The following SIK3 variants were observed in gnomAD, a reference collection of about 807,000 sequenced individuals.
The protein encoded by SIK3 is serine/threonine-protein kinase SIK3.
In SIK3, 28 loss-of-function variants were observed where a neutral mutation model predicts 144.2. The observed-to-expected ratio is 0.19, with a 90% CI of 0.14 to 0.27. The LOEUF is 0.27. Ranked by LOEUF, SIK3 falls within the 10% of genes least tolerant of loss-of-function variation. SIK3 has a pLI of 1.00. For synonymous variants in SIK3, 686 were observed against 676.3 expected (o/e 1.01, Z -0.22); for missense variants, 1,319 against 1,776.0 (o/e 0.74, Z 4.62).
chr11:117,031,189 G>A (rs1731904967), intron 1 of SIK3, among the ~76,000 whole-genome samples: 1 of 151,900 alleles, frequency 6.6e-6, no homozygotes, highest in Non-Finnish European at 1.5e-5. Flanking sequence ...TCCTTTTCTA[G>A]ATCATACTTT....
At chr11:116,983,119 C>T (rs892083797) in intron 1 of SIK3, among the ~76,000 whole-genome samples, 9 of 151,334 alleles carry the variant, frequency 5.9e-5, no homozygotes, top group African/African-American at 1.2e-4. Flanking sequence ...CCCAGCTACT[C>T]GGGAGGCTGA....
chr11:117,046,170 C>G (rs997586328), intron 1 of SIK3, among the ~76,000 whole-genome samples: 3 of 152,200 alleles, frequency 2.0e-5, no homozygotes, highest in Admixed American at 6.5e-5. Context: ...CACATATGAG[C>G]TAAACTACCA....
chr11:116,897,005 C>T (rs550884588), intron 5 of SIK3, among the ~76,000 whole-genome samples, 188 bp downstream of exon 5: 17 of 133,026 alleles, frequency 1.3e-4, no homozygotes, highest in Admixed American at 6.9e-4. Context: ...CCAGCCTGGG[C>T]GACAGAGTGA....
intron 4 of SIK3, among the ~76,000 whole-genome samples, chr11:116,919,430 C>T (rs1591323363): frequency 6.6e-6 from 1 of 152,118 alleles, no homozygotes; most frequent in East Asian, 1.9e-4. Context: ...TCTTTGCTGT[C>T]TACTGATTGC....
chr11:117,035,269 A>G (rs751267395), intron 1 of SIK3, among the ~76,000 whole-genome samples: 8 of 152,340 alleles, frequency 5.3e-5, no homozygotes, highest in Non-Finnish European at 8.8e-5. Flanking sequence ...CAATGAGGAA[A>G]TGAGGAATTT....
At chr11:117,075,312 T>C (rs973360582) in intron 1 of SIK3, among the ~76,000 whole-genome samples, 1 of 152,138 alleles carries the variant, frequency 6.6e-6, no homozygotes, top group African/African-American at 2.4e-5. Context: ...CATACAACTA[T>C]AAACCTGAGA....
intron 4 of SIK3, among the ~76,000 whole-genome samples, chr11:116,905,320 T>C (rs1432743192): frequency 1.3e-5 from 2 of 152,250 alleles, no homozygotes; most frequent in African/African-American, 4.8e-5. Context: ...ACATCCATGG[T>C]ATGGACATTC....
At chr11:116,991,746 T>A (rs752773700) in intron 1 of SIK3, among the ~76,000 whole-genome samples, 1 of 152,106 alleles carries the variant, frequency 6.6e-6, no homozygotes, top group African/African-American at 2.4e-5. Context: ...CACTTTCCCC[T>A]CCTATCCCCA....
chr11:116,992,517 A>G (rs770531766), intron 1 of SIK3, among the ~76,000 whole-genome samples: 14 of 152,224 alleles, frequency 9.2e-5, no homozygotes, highest in Non-Finnish European at 1.3e-4. Flanking sequence ...AAAATAAATG[A>G]TATGGCAATT....
chr11:116,946,865 C>A (rs1948617093), intron 3 of SIK3, among the ~76,000 whole-genome samples: 1 of 152,006 alleles, frequency 6.6e-6, no homozygotes, highest in African/African-American at 2.4e-5. Flanking sequence ...CCTGTAATCC[C>A]AGCACTTTGG....
chr11:116,908,721 A>G (rs1469409397), intron 4 of SIK3, among the ~76,000 whole-genome samples: 1 of 152,198 alleles, frequency 6.6e-6, no homozygotes, highest in East Asian at 1.9e-4. Context: ...ACAACAAGAT[A>G]ATCATTACAC....
intron 21 of SIK3, among the ~76,000 whole-genome samples, chr11:116,850,447 C>T (rs1942339015): frequency 6.6e-6 from 1 of 152,238 alleles, no homozygotes; most frequent in Non-Finnish European, 1.5e-5. Context: ...CAATCCAAAG[C>T]AACTCATCAT....
intron 1 of SIK3, among the ~76,000 whole-genome samples, chr11:117,034,247 T>C (rs1460027027): frequency 1.3e-5 from 2 of 152,210 alleles, no homozygotes; most frequent in East Asian, 1.9e-4. Flanking sequence ...ACTATAACTA[T>C]ATTGAATAAA....
intron 4 of SIK3, among the ~76,000 whole-genome samples, chr11:116,920,280 ATCTC>A (rs945795386): frequency 2.0e-5 from 3 of 150,712 alleles, no homozygotes; most frequent in African/African-American, 4.9e-5. Flanking sequence ...GGCCTTTGCC[ATCTC>A]TCTCACCCCA....
chr11:117,015,366 C>T (rs1394970198), intron 1 of SIK3, among the ~76,000 whole-genome samples: 6 of 152,066 alleles, frequency 3.9e-5, no homozygotes, highest in Admixed American at 2.0e-4. Context: ...CTCACCTATA[C>T]TGCTGGTGAG....
intron 1 of SIK3, among the ~76,000 whole-genome samples, chr11:117,080,463 G>C (rs1954735166): frequency 6.6e-6 from 1 of 152,048 alleles, no homozygotes; most frequent in South Asian, 2.1e-4. Context: ...TGATGGAAAA[G>C]AATACATAAC....
At chr11:117,016,931 T>C (rs1565560189) in intron 1 of SIK3, among the ~76,000 whole-genome samples, 1 of 151,976 alleles carries the variant, frequency 6.6e-6, no homozygotes, top group Admixed American at 6.5e-5. Context: ...TATACAGCAA[T>C]GAAAAAGAAC....
intron 9 of SIK3, 47 bp downstream of exon 9, chr11:116,875,819 C>A (rs533496650): frequency 6.4e-7 from 1 of 1,557,814 alleles, no homozygotes; most frequent in East Asian, 2.3e-5. Context: ...ACCTTTACCC[C>A]CCTGGTGTTA....
chr11:116,894,186 A>G (rs1945275623), intron 6 of SIK3, among the ~76,000 whole-genome samples: 1 of 152,070 alleles, frequency 6.6e-6, no homozygotes, highest in African/African-American at 2.4e-5. Flanking sequence ...AGCAACTCTT[A>G]TGATACCTCT....
Sources: allele counts gnomAD v4.1 joint callset (sites outside exome capture counted in the v4.1 genomes callset), GRCh38; gene constraint gnomAD v4.1.1; transcripts MANE v1.5; gene names NCBI Gene and HGNC (gene_info 2026-07-23, HGNC 2026-07-21).